NUP188: variants seen among roughly 807,000 people sequenced by gnomAD.
The protein encoded by NUP188 is nucleoporin NUP188.
NUP188 carries 97 observed loss-of-function variants against 223.0 expected under a neutral mutation model. That is an observed-to-expected ratio of 0.43 (90% CI 0.37 to 0.51). The LOEUF is 0.51. NUP188 is among the 20% of genes least tolerant of loss of function. NUP188 has a pLI of 0.00. For synonymous variants in NUP188, 869 were observed against 828.0 expected (o/e 1.05, Z -0.85); for missense variants, 1,947 against 2,175.6 (o/e 0.89, Z 2.09).
chr9:128,987,805 CTT>C, intron 23 of NUP188, 88 bp downstream of exon 23: 1 of 1,511,554 alleles, frequency 6.6e-7, no homozygotes. Context: ...CTTGCAGTAG[CTT>C]TTAGAAGACG....
chr9:129,002,990 G>A lies in NUP188; in HGVS notation c.4296+15G>A. The A allele has an allele frequency of 6.2e-7, 1 of 1,613,050 alleles. No homozygotes were observed. Among genetic ancestry groups the A allele is most frequent in the Non-Finnish European group, 8.5e-7 (1 of 1,179,558 alleles). Reference sequence around the variant, plus strand: ...GGACCTTACAGGTGAGGGGCTGCCTGCATTGCAGGGGTGGGAGTTTCAGGG... The same window carrying A: ...GGACCTTACAGGTGAGGGGCTGCCTACATTGCAGGGGTGGGAGTTTCAGGG... On this transcript the variant is annotated intron_variant, in intron 37 of 43. Transcript: ENST00000372577.
rs371439858 is a variant in NUP188 at position 128,990,105 on chromosome 9, C to T, written c.2534-15C>T. 3.8e-6 allele frequency: 6 copies of T among 1,587,282 alleles called. No individual in the cohort carries two copies. Among genetic ancestry groups the T allele is most frequent in the Non-Finnish European group, 5.2e-6 (6 of 1,155,598 alleles). On this transcript the variant is annotated splice_polypyrimidine_tract_variant and intron_variant, in intron 24 of 43. Transcript: ENST00000372577. The stretch of plus-strand genomic sequence containing the variant: ...GGCACACTTGATATCTAAACTGTTT[C>T]CTGTGCTGCTTTAGGTGCTCATGGA...
chr9:128,994,396 C>G lies in NUP188; in HGVS notation c.3041C>G (p.Thr1014Ser), dbSNP rs762754813. ...AGACCCAAGTTTTGGGAAAATTTAA[C>G]CAGTCCGCTGTTTGGAACCCTTTCT... Reference protein sequence around the residue: ...RTKPKFWENLTSPLFGTLSPP... With the variant: ...RTKPKFWENLSSPLFGTLSPP... Residue 1014 changes from threonine to serine, a missense_variant, in exon 28 of 44, where the codon ACC (threonine) becomes AGC (serine). By Grantham distance (58) the Thr-to-Ser change is moderately conservative (BLOSUM62 1). Transcript: ENST00000372577. 86 of 1,613,242 alleles carry G rather than the reference C, an allele frequency of 5.3e-5. No individual in the cohort carries two copies. The highest frequency in any genetic ancestry group is 7.1e-5 in the Non-Finnish European group (84 of 1,179,344).
At chr9:128,998,484 G>A in intron 31 of NUP188, 54 bp from the exon 32 acceptor site, 2 of 1,477,248 alleles carry the variant, frequency 1.4e-6, no homozygotes, top group Non-Finnish European at 1.9e-6. Context: ...GTGCCCTGTG[G>A]ATGGCATGCG....
chr9:128,958,552 T>C (rs1448652772), intron 6 of NUP188, among the ~76,000 whole-genome samples: 1 of 152,220 alleles, frequency 6.6e-6, no homozygotes, highest in African/African-American at 2.4e-5. Flanking sequence ...TGAGAAATCA[T>C]GCTAGAAAAC....
At chr9:128,969,591 A>C (rs1354273117) in intron 10 of NUP188, 77 bp downstream of exon 10, 1 of 760,912 alleles carries the variant, frequency 1.3e-6, no homozygotes, top group Admixed American at 3.0e-5. Flanking sequence ...CTGCTGCATA[A>C]AATTTTCAGT....
rs900470498 is a variant in NUP188 at position 128,982,577 on chromosome 9, A to G, written c.1545A>G (p.Gln515=). The G allele has an allele frequency of 4.3e-6, 7 of 1,613,928 alleles. No individual in the cohort carries two copies. Among genetic ancestry groups the G allele is most frequent in the Middle Eastern group, 1.6e-4 (1 of 6,084 alleles). The change falls in exon 16 of 44, where the codon CAA becomes CAG. Residue 515 remains glutamine (Q), a synonymous_variant. Transcript: ENST00000372577. ...GTCAAACCAACCTTCGCATACCTCAAGGCACTGTGGGCCAAGTAATGTTGG... is the reference window on the plus strand; with the variant it reads ...GTCAAACCAACCTTCGCATACCTCAGGGCACTGTGGGCCAAGTAATGTTGG... The part of the protein sequence containing the change: ...LGGQTNLRIP[Q]GTVGQVMLDD...
chr9:128,975,467 C>T (rs1252290723), intron 12 of NUP188, among the ~76,000 whole-genome samples: 2 of 151,996 alleles, frequency 1.3e-5, no homozygotes, highest in African/African-American at 4.8e-5. Context: ...CGTGATCCGC[C>T]CGCCTCAGCC....
At chr9:128,981,511 C>A in intron 15 of NUP188, 121 bp downstream of exon 15, 1 of 1,002,274 alleles carries the variant, frequency 1.0e-6, no homozygotes, top group Non-Finnish European at 1.5e-6. Context: ...TTCTTGGGCT[C>A]AAGTGATTCT....
chr9:128,980,532 A>G (rs1842239689), intron 13 of NUP188, 74 bp from the exon 14 acceptor site: 6 of 1,506,994 alleles, frequency 4.0e-6, no homozygotes, highest in Non-Finnish European at 5.4e-6. Flanking sequence ...TTTTCTCATG[A>G]TTGCTGGGAA....
intron 37 of NUP188, 132 bp downstream of exon 37, chr9:129,003,107 C>A: frequency 9.0e-7 from 1 of 1,116,074 alleles, no homozygotes; most frequent in South Asian, 1.6e-5. Context: ...TTTTGAGATG[C>A]TCTAAGTACT....
rs201830914 is a variant in NUP188, at chr9:128,957,037, G to A, written c.327+5G>A. 1,707 of 1,597,092 alleles carry A rather than the reference G, an allele frequency of 1.1e-3. 3 individuals carry two copies. Among genetic ancestry groups the A allele is most frequent in the Non-Finnish European group, 1.1e-3 (1,283 of 1,168,412 alleles). ...GGTACTCGGGACTCAGTAAAGGTTTGTGGTTTATGTCAGCTCCTTTCTTCT... is the reference window on the plus strand; with the variant it reads ...GGTACTCGGGACTCAGTAAAGGTTTATGGTTTATGTCAGCTCCTTTCTTCT... On this transcript the variant is annotated splice_donor_5th_base_variant and intron_variant, in intron 5 of 43. Coordinates refer to ENST00000372577, the MANE Select transcript of NUP188 (RefSeq NM_015354.3).
rs200372840 is a variant in NUP188 at position 128,973,275 on chromosome 9, G to T, written c.1203+26G>T. 17 of 1,559,042 alleles carry T rather than the reference G, an allele frequency of 1.1e-5. No individual in the cohort carries two copies. In the East Asian group the frequency reaches 1.8e-4, roughly 16 times the overall value. ...GTCAGTGTCTGGCTTTCATGAAGCTGTCTCTACTGCCCAGCTTTGCAATCA... is the reference window on the plus strand; with the variant it reads ...GTCAGTGTCTGGCTTTCATGAAGCTTTCTCTACTGCCCAGCTTTGCAATCA... On this transcript the variant is annotated intron_variant, in intron 12 of 43. Transcript: ENST00000372577.
chr9:128,947,910 G>C, intron 1 of NUP188, 159 bp downstream of exon 1: 1 of 553,636 alleles, frequency 1.8e-6, no homozygotes, highest in Non-Finnish European at 2.8e-6. Context: ...CGTCCAAACG[G>C]TCCCCGCGCG....
Position 128,969,420 on chromosome 9 carries a change from T to C in NUP188, c.818T>C (p.Leu273Pro). 1 of 1,609,254 alleles carries C rather than the reference T, an allele frequency of 6.2e-7. No homozygotes were observed. Among genetic ancestry groups the C allele is most frequent in the Non-Finnish European group, 8.5e-7 (1 of 1,176,502 alleles). The change falls in exon 10 of 44, where the codon CTG becomes CCG. Residue 273 changes from leucine (L) to proline (P), a missense_variant. Leu to Pro is a moderately conservative substitution (Grantham distance 98). Around this residue, in one of 3 missense-constraint regions of NUP188, gnomAD observed 817 missense variants for 865.8 expected, o/e 0.94. Coordinates refer to ENST00000372577, the MANE Select transcript of NUP188 (RefSeq NM_015354.3). ...DRIGYFSALI[L>P]VEGMDIESLH... ...TCTAGCTACTTCAGTGCCCTCATCC[T>C]GGTGGAGGGCATGGATATCGAGTCC...
chr9:129,002,073 T>C (rs1472219808), intron 36 of NUP188, 97 bp downstream of exon 36: 1 of 965,816 alleles, frequency 1.0e-6, no homozygotes, highest in East Asian at 2.5e-5. Flanking sequence ...GTTGCTTTCC[T>C]CTAAATTGCC....
chr9:128,968,398 C>G (rs1842060931), intron 8 of NUP188, 108 bp from the exon 9 acceptor site: 1 of 807,214 alleles, frequency 1.2e-6, no homozygotes, highest in Admixed American at 2.4e-5. Context: ...TGCCACTGCA[C>G]TGTATCCTGG....
intron 22 of NUP188, among the ~76,000 whole-genome samples, 184 bp downstream of exon 22, chr9:128,987,059 A>G (rs1337883929): frequency 7.7e-6 from 1 of 129,418 alleles, no homozygotes; most frequent in South Asian, 2.7e-4. Context: ...ACAGAGAAGT[A>G]GGAATGAGAG....
intron 1 of NUP188, chr9:128,948,043 T>G: frequency 6.4e-6 from 2 of 313,806 alleles, no homozygotes; most frequent in Middle Eastern, 8.4e-4. Context: ...CCGACGCGTC[T>G]CTTGGCGCCC....
Sources: allele counts gnomAD v4.1 joint callset (sites outside exome capture counted in the v4.1 genomes callset), GRCh38; gene constraint gnomAD v4.1.1; regional missense constraint gnomAD v4.1.1; transcripts MANE v1.5; gene names NCBI Gene and HGNC (gene_info 2026-07-23, HGNC 2026-07-21).